Variants in MAML3 observed in about 807,000 individuals in gnomAD.
MAML3 encodes the protein mastermind-like protein 3.
A neutral mutation model predicts 101.9 loss-of-function variants in MAML3; 27 were observed. That is an observed-to-expected ratio of 0.27 (90% CI 0.20 to 0.37). MAML3 has a LOEUF of 0.37. Ranked by LOEUF, MAML3 falls within the 10% of genes least tolerant of loss-of-function variation. The probability of loss-of-function intolerance (pLI) is 1.00; values close to 1 mark genes in which losing one functional copy is unlikely to be tolerated. For synonymous variants in MAML3, 501 were observed against 555.9 expected (o/e 0.90, Z 1.39); for missense variants, 1,316 against 1,444.9 (o/e 0.91, Z 1.45).
intron 1 of MAML3, among the ~76,000 whole-genome samples, chr4:139,900,756 A>T (rs556685865): frequency 6.6e-6 from 1 of 152,346 alleles, no homozygotes; most frequent in South Asian, 2.1e-4. Flanking sequence ...GAATGCTCTA[A>T]ACTTCTAAGT....
At chr4:139,734,594 A>G (rs1728854290) in intron 2 of MAML3, among the ~76,000 whole-genome samples, 1 of 152,190 alleles carries the variant, frequency 6.6e-6, no homozygotes, top group South Asian at 2.1e-4. Flanking sequence ...GATCTTAGCA[A>G]TTTTCTAAAG....
chr4:139,980,609 T>C (rs753749445), intron 1 of MAML3, among the ~76,000 whole-genome samples: 1 of 152,190 alleles, frequency 6.6e-6, no homozygotes, highest in Non-Finnish European at 1.5e-5. Flanking sequence ...TCGAGTTAAG[T>C]TGTCCAAATC....
At chr4:139,881,748 C>G (rs985607298) in intron 2 of MAML3, among the ~76,000 whole-genome samples, 1 of 152,238 alleles carries the variant, frequency 6.6e-6, no homozygotes, top group Non-Finnish European at 1.5e-5. Context: ...GTTGCCCAGA[C>G]TGCAGTGCAG....
intron 1 of MAML3, among the ~76,000 whole-genome samples, chr4:140,140,045 C>T (rs1404660033): frequency 2.6e-5 from 4 of 152,136 alleles, no homozygotes; most frequent in Non-Finnish European, 1.5e-5. Context: ...TATTTGGGGC[C>T]GGACGCGGTG....
At chr4:140,048,959 G>C (rs10017851) in intron 1 of MAML3, among the ~76,000 whole-genome samples, 28,165 of 152,138 alleles carry the variant, frequency 0.19, 3,094 homozygotes, top group African/African-American at 0.3. Context: ...GTGCCAAGAT[G>C]TGCAAAACTG....
intron 1 of MAML3, among the ~76,000 whole-genome samples, chr4:140,018,642 T>C (rs866030747): frequency 2.0e-5 from 3 of 152,320 alleles, no homozygotes; most frequent in Middle Eastern, 3.4e-3. Flanking sequence ...CAAGAATTTT[T>C]GGAAGTCTAT....
chr4:139,827,097 C>A (rs528193598), intron 2 of MAML3, among the ~76,000 whole-genome samples: 1 of 152,058 alleles, frequency 6.6e-6, no homozygotes, highest in Non-Finnish European at 1.5e-5. Context: ...ATGATAGGAG[C>A]GTCTTGGTGG....
At chr4:139,956,418 T>C (rs1733917641) in intron 1 of MAML3, among the ~76,000 whole-genome samples, 1 of 152,190 alleles carries the variant, frequency 6.6e-6, no homozygotes, top group African/African-American at 2.4e-5. Context: ...TCATGTAAAA[T>C]CAAATTCTGA....
At chr4:140,070,356 C>T (rs1727628437) in intron 1 of MAML3, among the ~76,000 whole-genome samples, 1 of 152,204 alleles carries the variant, frequency 6.6e-6, no homozygotes, top group Non-Finnish European at 1.5e-5. Context: ...TTGAGGCCTA[C>T]AGACAATCTC....
chr4:139,875,977 C>A (rs1489280127), intron 2 of MAML3, among the ~76,000 whole-genome samples: 1 of 138,898 alleles, frequency 7.2e-6, no homozygotes, highest in Non-Finnish European at 1.5e-5. Context: ...CTTTTCTGAT[C>A]ACAGAACTGA....
intron 2 of MAML3, 111 bp downstream of exon 2, chr4:139,889,246 T>C: frequency 6.2e-7 from 1 of 1,600,062 alleles, no homozygotes; most frequent in Non-Finnish European, 8.5e-7. Flanking sequence ...TAAAGAGGTT[T>C]TCTGCAGGCA....
At chr4:139,908,524 T>C (rs764663145) in intron 1 of MAML3, among the ~76,000 whole-genome samples, 3 of 152,218 alleles carry the variant, frequency 2.0e-5, no homozygotes, top group Non-Finnish European at 4.4e-5. Flanking sequence ...AGAACTCAAA[T>C]TTAAATAAGC....
Position 139,717,045 on chromosome 4 carries a change from A to ATATT in MAML3, c.*2274_*2277dup, listed in dbSNP as rs1413421703. The ATATT allele has an allele frequency of 1.3e-5, 2 of 152,456 alleles. No individual in the cohort carries two copies. The highest frequency in any genetic ancestry group is 1.9e-4 in the East Asian group (1 of 5,204). 9.4% of individuals were successfully genotyped at this position (152,456 alleles called of 1,614,324 possible). On this transcript the variant is annotated 3_prime_UTR_variant, in exon 5 of 5. Transcript: ENST00000509479. Reference sequence around the variant, plus strand: ...TCTATTTTAAACAAACAGTATATATATATTTATATGTATATTTTTTACAGA... The same window carrying ATATT: ...TCTATTTTAAACAAACAGTATATATATATTTATTTATATGTATATTTTTTACAGA...
At chr4:140,091,537 C>CAAAAAAAAAAAAAAAAAAAAAAAAAAA (rs570700966) in intron 1 of MAML3, among the ~76,000 whole-genome samples, 1 of 71,600 alleles carries the variant, frequency 1.4e-5, no homozygotes, top group Non-Finnish European at 2.7e-5. Context: ...AACAACAAAA[C>CAAAAAAAAAAAAAAAAAAAAAAAAAAA]AAAAACAAAA....
chr4:139,763,153 T>C (rs1392680451), intron 2 of MAML3, among the ~76,000 whole-genome samples: 1 of 152,194 alleles, frequency 6.6e-6, no homozygotes, highest in Non-Finnish European at 1.5e-5. Context: ...AGGGTCTGAT[T>C]GAAAGATCTG....
chr4:139,850,813 T>C (rs919717211), intron 2 of MAML3, among the ~76,000 whole-genome samples: 8 of 152,066 alleles, frequency 5.3e-5, no homozygotes, highest in African/African-American at 1.9e-4. Context: ...CAATGTATAT[T>C]TTCTTTGCTT....
rs956320893 is a variant in MAML3, at chr4:139,748,174, A to G, written c.2080-17507T>C. On this transcript the variant is annotated intron_variant, in intron 2 of 4. Coordinates refer to ENST00000509479, the MANE Select transcript of MAML3 (RefSeq NM_018717.5). ...GTATATTCAGCTTCCAGATACCCAC[A>G]GGCTCTAAGAGGGCCTCCATCTCTT... is the stretch of plus-strand genomic sequence containing the variant. Among the ~76,000 whole-genome samples the G allele has an allele frequency of 2.0e-5, 3 of 152,116 alleles. No individual in the cohort carries two copies. In the South Asian group the frequency reaches 6.2e-4, roughly 32 times the overall value.
intron 1 of MAML3, among the ~76,000 whole-genome samples, chr4:140,065,111 T>A (rs76049963): frequency 0.034 from 5,208 of 152,258 alleles, 202 homozygotes; most frequent in African/African-American, 0.097. Context: ...CTCTTATCCA[T>A]GAAGTTGTCT....
intron 1 of MAML3, among the ~76,000 whole-genome samples, chr4:139,985,246 G>C (rs1578629184): frequency 6.6e-6 from 1 of 152,176 alleles, no homozygotes; most frequent in South Asian, 2.1e-4. Flanking sequence ...TAATAAAGTT[G>C]ATCTTTCTTA....
Sources: allele counts gnomAD v4.1 joint callset (sites outside exome capture counted in the v4.1 genomes callset), GRCh38; gene constraint gnomAD v4.1.1; transcripts MANE v1.5; gene names NCBI Gene and HGNC (gene_info 2026-07-23, HGNC 2026-07-21).